Variants in NAALADL2 observed in about 807,000 individuals in gnomAD.
The protein encoded by NAALADL2 is inactive N-acetylated-alpha-linked acidic dipeptidase-like protein 2.
In NAALADL2, 76 loss-of-function variants were observed where a neutral mutation model predicts 87.2. The observed-to-expected ratio is 0.87, with a 90% confidence interval of 0.72 to 1.05. The LOEUF is 1.05. Ranked by LOEUF, NAALADL2 falls within the 50% of genes least tolerant of loss-of-function variation. The pLI, the probability that NAALADL2 is intolerant of heterozygous loss-of-function variation, is 0.00. For missense variants in NAALADL2, 1,089 were observed against 945.8 expected, an observed-to-expected ratio of 1.15 and a Z score of -1.99; for synonymous variants, 354 against 331.0, an observed-to-expected ratio of 1.07 and a Z score of -0.75.
chr3:175,342,082 A>G lies in NAALADL2; in HGVS notation c.1090+17757A>G, dbSNP rs144215669. Among the ~76,000 whole-genome samples, 4 of 152,270 alleles carry G rather than the reference A, an allele frequency of 2.6e-5. No homozygotes were observed. The East Asian group carries it at 7.7e-4, about 29-fold the overall frequency. On this transcript the variant is annotated intron_variant, in intron 5 of 13. Transcript: ENST00000454872. ...GTCTAGGTTACTATAATTTTGTAGT[A>G]AGTTTTAAAATTGCTAAGAATGAGT...
At chr3:175,254,019 G>A (rs1057480129) in intron 3 of NAALADL2, among the ~76,000 whole-genome samples, 2 of 152,124 alleles carry the variant, frequency 1.3e-5, no homozygotes, top group East Asian at 1.9e-4. Flanking sequence ...TGACAACAAA[G>A]GATTTAGAAT....
At chr3:174,935,483 C>T (rs1249287529) in intron 1 of NAALADL2, among the ~76,000 whole-genome samples, 1 of 152,082 alleles carries the variant, frequency 6.6e-6, no homozygotes, top group East Asian at 1.9e-4. Flanking sequence ...CGTCTTTTGC[C>T]TTATCAGTCT....
At chr3:175,714,951 C>A (rs1741034629) in intron 11 of NAALADL2, among the ~76,000 whole-genome samples, 1 of 152,140 alleles carries the variant, frequency 6.6e-6, no homozygotes, top group Non-Finnish European at 1.5e-5. Context: ...CTAGGCAATA[C>A]CATTCAGGAC....
intron 2 of NAALADL2, among the ~76,000 whole-genome samples, chr3:175,148,125 A>ATAATAATAT (rs1417483172): frequency 7.2e-6 from 1 of 138,108 alleles, no homozygotes; most frequent in Non-Finnish European, 1.6e-5. Flanking sequence ...AATAATAATA[A>ATAATAATAT]AATAATAATA....
At chr3:175,684,635 C>A (rs1165136546) in intron 11 of NAALADL2, among the ~76,000 whole-genome samples, 1 of 151,776 alleles carries the variant, frequency 6.6e-6, no homozygotes, top group Non-Finnish European at 1.5e-5. Context: ...CTCTACTAAA[C>A]AAACAAACAA....
rs1718441972 is a variant in NAALADL2 at position 174,495,171 on chromosome 3, C to A, written c.-184+54139C>A. 2.0e-5 allele frequency among the ~76,000 whole-genome samples: 3 copies of A among 151,336 alleles called. No individual in the cohort carries two copies. In the East Asian group the frequency reaches 5.8e-4, roughly 29 times the overall value. On this transcript the variant is annotated intron_variant, in intron 1 of 3. Coordinates refer to the NAALADL2 transcript ENST00000434257. The stretch of plus-strand genomic sequence containing the variant: ...ATTTATTGAGCATATAAAAGTCCTG[C>A]CATCTATTTGTAAATTCAGAGCCAT...
At chr3:175,129,703 C>T (rs1050436779) in intron 2 of NAALADL2, among the ~76,000 whole-genome samples, 2 of 152,108 alleles carry the variant, frequency 1.3e-5, no homozygotes, top group Non-Finnish European at 1.5e-5. Flanking sequence ...TCTTACATTT[C>T]CTTTATCCAT....
intron 1 of NAALADL2, among the ~76,000 whole-genome samples, chr3:174,986,994 A>G (rs1383519204): frequency 2.0e-5 from 3 of 152,178 alleles, no homozygotes; most frequent in Admixed American, 1.3e-4. Flanking sequence ...CAGACCAAAC[A>G]CTTGATAATC....
chr3:174,860,758 G>A (rs2109533769), intron 1 of NAALADL2, among the ~76,000 whole-genome samples: 1 of 152,080 alleles, frequency 6.6e-6, no homozygotes, highest in East Asian at 1.9e-4. Flanking sequence ...CCCTCTTTGT[G>A]TTAGGATCAT....
chr3:175,216,447 G>A (rs1182259337), intron 2 of NAALADL2, among the ~76,000 whole-genome samples: 4 of 151,926 alleles, frequency 2.6e-5, no homozygotes, highest in Admixed American at 6.6e-5. Context: ...AAAGTAGATA[G>A]TTCTTTCCAA....
intron 3 of NAALADL2, among the ~76,000 whole-genome samples, chr3:174,755,828 A>G (rs1711980003): frequency 6.6e-6 from 1 of 152,190 alleles, no homozygotes; most frequent in Non-Finnish European, 1.5e-5. Context: ...ACTTCTCCAT[A>G]GTTATCTTTT....
At chr3:175,129,601 A>G (rs553101972) in intron 2 of NAALADL2, among the ~76,000 whole-genome samples, 4 of 152,190 alleles carry the variant, frequency 2.6e-5, no homozygotes, top group African/African-American at 9.7e-5. Context: ...AGTTTTTCAG[A>G]TTAAGATATG....
chr3:175,122,039 T>C (rs570167233), intron 2 of NAALADL2, among the ~76,000 whole-genome samples: 42 of 152,016 alleles, frequency 2.8e-4, no homozygotes, highest in African/African-American at 7.0e-4. Flanking sequence ...CTGTCCTGAA[T>C]TGGTAGTTGA....
chr3:175,326,082 G>A (rs13070116), intron 5 of NAALADL2, among the ~76,000 whole-genome samples: 20,351 of 152,190 alleles, frequency 0.13, 1,463 homozygotes, highest in Admixed American at 0.16. Flanking sequence ...AAGCCATGTA[G>A]CACCTTGAAC....
chr3:175,257,510 A>G (rs1750199077), intron 4 of NAALADL2, among the ~76,000 whole-genome samples: 1 of 150,054 alleles, frequency 6.7e-6, no homozygotes, highest in Non-Finnish European at 1.5e-5. Flanking sequence ...AATTTTTAAT[A>G]TGTATTAAAA....
chr3:175,366,920 T>A (rs546781794), intron 5 of NAALADL2, among the ~76,000 whole-genome samples: 5,471 of 149,164 alleles, frequency 0.037, 125 homozygotes, highest in African/African-American at 0.053. Context: ...TGTTTTAGAC[T>A]TGAAGTCCTT....
chr3:174,931,348 A>C (rs1736862641), intron 1 of NAALADL2, among the ~76,000 whole-genome samples: 1 of 152,164 alleles, frequency 6.6e-6, no homozygotes. Context: ...CTTGGGAACT[A>C]TGTGACCCAG....
chr3:175,738,909 A>G (rs557356737), intron 12 of NAALADL2, among the ~76,000 whole-genome samples: 1 of 152,334 alleles, frequency 6.6e-6, no homozygotes, highest in African/African-American at 2.4e-5. Flanking sequence ...AATAATAAAT[A>G]TCATTTTTGC....
At chr3:175,005,133 G>A (rs992771636) in intron 1 of NAALADL2, among the ~76,000 whole-genome samples, 4 of 152,030 alleles carry the variant, frequency 2.6e-5, no homozygotes, top group Non-Finnish European at 2.9e-5. Context: ...CTATATGCCC[G>A]GCATTGTTCT....
Sources: gnomAD v4.1 joint callset for allele counts (sites outside exome capture counted in the v4.1 genomes callset) on GRCh38, gnomAD v4.1.1 for gene constraint, MANE v1.5 for transcripts, NCBI Gene and HGNC (gene_info 2026-07-23, HGNC 2026-07-21) for gene names.